CDC42BPA: variants seen among roughly 807,000 people sequenced by gnomAD.
CDC42BPA encodes CDC42 binding protein kinase alpha.
CDC42BPA carries 80 observed loss-of-function variants against 223.5 expected under a neutral mutation model. The observed-to-expected ratio is 0.36, with a 90% CI of 0.30 to 0.43. CDC42BPA has a LOEUF of 0.43. Among genes scored for constraint, CDC42BPA ranks in the 20% least tolerant of loss-of-function variants. The pLI is 1.00. For synonymous variants in CDC42BPA, 694 were observed against 718.6 expected (o/e 0.97, Z 0.55); for missense variants, 1,743 against 2,099.9 (o/e 0.83, Z 3.32).
chr1:227,113,849 C>CA (rs1396404462), intron 12 of CDC42BPA, among the ~76,000 whole-genome samples: 1 of 128,686 alleles, frequency 7.8e-6, no homozygotes, highest in Non-Finnish European at 1.6e-5. Context: ...CTTATCTCTA[C>CA]AAAAAATAAC....
intron 10 of CDC42BPA, among the ~76,000 whole-genome samples, chr1:227,132,342 G>A (rs1248656500): frequency 1.3e-5 from 2 of 151,992 alleles, no homozygotes; most frequent in Non-Finnish European, 2.9e-5. Context: ...TGTGTTGGCC[G>A]GGCTGGTCTC....
At chr1:227,059,274 T>C (rs950871787) in intron 21 of CDC42BPA, 1 of 942,428 alleles carries the variant, frequency 1.1e-6, no homozygotes, top group Non-Finnish European at 1.7e-6. Flanking sequence ...TGTAATAATA[T>C]ACCACAAAAA....
chr1:227,029,125 C>T lies in CDC42BPA; in HGVS notation c.3964G>A (p.Gly1322Arg). The T allele has an allele frequency of 6.2e-7, 1 of 1,611,444 alleles. No individual in the cohort carries two copies. The highest frequency in any genetic ancestry group is 8.5e-7 in the Non-Finnish European group (1 of 1,180,000). ...AGCTTGTAAAAATCGGTCTCTCGCC[C>T]ATCCAATGCTGACATAGGAAAAAGT... ...VRLFPMSALD[G>R]RETDFYKLSE... The change falls in exon 30 of 37, where the codon GGG (glycine) becomes AGG (arginine). Residue 1322 changes from glycine (G) to arginine (R), a missense_variant. By Grantham distance (125) the Gly-to-Arg change is moderately radical. Coordinates refer to ENST00000366766, the MANE Select transcript of CDC42BPA (RefSeq NM_001394014.1).
chr1:227,051,261 AG>A (rs1673472326), intron 22 of CDC42BPA, among the ~76,000 whole-genome samples: 2 of 152,316 alleles, frequency 1.3e-5, no homozygotes, highest in Admixed American at 6.5e-5. Context: ...GCTGATCTTA[AG>A]GTAGGATGGT....
At chr1:227,062,258 G>C (rs755139427) in intron 21 of CDC42BPA, among the ~76,000 whole-genome samples, 17 of 152,108 alleles carry the variant, frequency 1.1e-4, no homozygotes, top group Non-Finnish European at 2.5e-4. Context: ...CCCCCCGCAA[G>C]TTCGCTCTGC....
intron 1 of CDC42BPA, among the ~76,000 whole-genome samples, chr1:227,292,355 AACC>A (rs1689844224): frequency 1.3e-5 from 2 of 152,344 alleles, no homozygotes; most frequent in Admixed American, 6.5e-5. Context: ...TTCAAATGAA[AACC>A]ACATTTCACT....
chr1:227,126,613 G>A lies in CDC42BPA; in HGVS notation c.1513+2496C>T, dbSNP rs184785713. ...AAATCCTTAAAAATATATTAGGAAT[G>A]GAATTCAGCAATATATAAAAATAAT... On this transcript the variant is annotated intron_variant, in intron 11 of 36. Transcript: ENST00000366766. Among the ~76,000 whole-genome samples the A allele has an allele frequency of 4.1e-3, 625 of 152,232 alleles. 18 individuals are homozygous for A. The highest frequency in any genetic ancestry group is 1.7e-3 in the Non-Finnish European group (115 of 68,024).
intron 5 of CDC42BPA, among the ~76,000 whole-genome samples, chr1:227,178,871 C>A (rs1328172318): frequency 6.6e-6 from 1 of 152,152 alleles, no homozygotes; most frequent in Non-Finnish European, 1.5e-5. Context: ...GAGACTAAAT[C>A]ATAATTTCCT....
At chr1:227,050,380 A>G (rs1383288967) in intron 22 of CDC42BPA, among the ~76,000 whole-genome samples, 1 of 152,186 alleles carries the variant, frequency 6.6e-6, no homozygotes, top group Non-Finnish European at 1.5e-5. Flanking sequence ...AATTGGTCCA[A>G]CCACTGTGGA....
intron 1 of CDC42BPA, among the ~76,000 whole-genome samples, chr1:227,282,170 A>T (rs980745457): frequency 4.0e-5 from 6 of 148,810 alleles, no homozygotes; most frequent in Non-Finnish European, 5.9e-5. Context: ...CCTGGGCAAC[A>T]AAAGCAAAAC....
chr1:227,219,760 C>G (rs1675508531), intron 2 of CDC42BPA, among the ~76,000 whole-genome samples: 1 of 152,010 alleles, frequency 6.6e-6, no homozygotes, highest in African/African-American at 2.4e-5. Context: ...CATTTCTAAA[C>G]CTACTAGTTC....
At chr1:227,021,957 T>A (rs936217577) in intron 32 of CDC42BPA, among the ~76,000 whole-genome samples, 1 of 150,940 alleles carries the variant, frequency 6.6e-6, no homozygotes, top group African/African-American at 2.4e-5. Context: ...GAGGCAGAGG[T>A]TGCAGTGAGC....
Position 227,123,715 on chromosome 1 carries a change from A to G in CDC42BPA, c.1514-3778T>C, listed in dbSNP as rs551194505. Among the ~76,000 whole-genome samples the G allele has an allele frequency of 2.0e-5, 3 of 152,368 alleles. No individual in the cohort carries two copies. The East Asian group carries it at 5.8e-4, about 29-fold the overall frequency. On this transcript the variant is annotated intron_variant, in intron 11 of 36. Transcript: ENST00000366766. ...AACCAAAACATCTCCCTGATCCACA[A>G]GATGGATAGTTTCATTTTTCCCATT...
At chr1:227,092,338 T>C (rs1683226253) in intron 15 of CDC42BPA, among the ~76,000 whole-genome samples, 2 of 152,220 alleles carry the variant, frequency 1.3e-5, no homozygotes, top group African/African-American at 2.4e-5. Flanking sequence ...TGAACTAATT[T>C]CAGATAATAA....
At chr1:227,286,238 A>G (rs531870959) in intron 1 of CDC42BPA, among the ~76,000 whole-genome samples, 4 of 152,208 alleles carry the variant, frequency 2.6e-5, no homozygotes, top group East Asian at 1.9e-4. Flanking sequence ...TAAGTCATTC[A>G]TTTGCTCCCA....
intron 1 of CDC42BPA, among the ~76,000 whole-genome samples, chr1:227,265,607 G>A (rs1684858303): frequency 6.7e-6 from 1 of 149,804 alleles, no homozygotes; most frequent in African/African-American, 2.5e-5. Flanking sequence ...CCAGCCTGGT[G>A]ACGACAGAGC....
intron 1 of CDC42BPA, among the ~76,000 whole-genome samples, chr1:227,304,827 G>A (rs185855918): frequency 5.3e-5 from 8 of 152,264 alleles, no homozygotes; most frequent in African/African-American, 1.9e-4. Flanking sequence ...AGGGATGATG[G>A]AACTGCTCTG....
intron 1 of CDC42BPA, among the ~76,000 whole-genome samples, chr1:227,291,405 CA>C (rs1689671512): frequency 6.6e-6 from 1 of 152,022 alleles, no homozygotes; most frequent in Non-Finnish European, 1.5e-5. Context: ...AAAAATTACC[CA>C]GGCATGGTGG....
intron 20 of CDC42BPA, 131 bp from the exon 21 acceptor site, chr1:227,069,984 ACT>A: frequency 1.9e-6 from 1 of 526,218 alleles, no homozygotes; most frequent in Non-Finnish European, 3.4e-6. Flanking sequence ...ACTATAATTA[ACT>A]CTACATTTAA....
Sources: gnomAD v4.1 joint callset for allele counts (sites outside exome capture counted in the v4.1 genomes callset) on GRCh38, gnomAD v4.1.1 for gene constraint, MANE v1.5 for transcripts, NCBI Gene and HGNC (gene_info 2026-07-23, HGNC 2026-07-21) for gene names.